Variants in COL11A1 observed in about 807,000 individuals in gnomAD.
The protein encoded by COL11A1 is collagen type XI alpha 1 chain, also known as collagen alpha-1(XI) chain.
Under a neutral mutation model 265.2 loss-of-function variants are expected in COL11A1, and 74 were observed. The observed-to-expected ratio is 0.28, with a 90% CI of 0.23 to 0.34. The LOEUF is 0.34. COL11A1 is among the 10% of genes least tolerant of loss of function. The pLI is 1.00. For synonymous variants in COL11A1, 816 were observed against 727.6 expected (o/e 1.12, Z -1.96); for missense variants, 2,165 against 2,263.6 (o/e 0.96, Z 0.88).
chr1:103,087,884 A>G (rs938875897), intron 1 of COL11A1, among the ~76,000 whole-genome samples: 3 of 152,206 alleles, frequency 2.0e-5, no homozygotes, highest in Non-Finnish European at 2.9e-5. Flanking sequence ...GAGATTATGA[A>G]AATGTTGGTT....
At chr1:103,057,901 G>T (rs1251342153) in intron 4 of COL11A1, among the ~76,000 whole-genome samples, 1 of 152,162 alleles carries the variant, frequency 6.6e-6, no homozygotes, top group East Asian at 1.9e-4. Flanking sequence ...TTTTAAAATG[G>T]TAAGTGAGCA....
At position 103,108,059 on chromosome 1, in the gene COL11A1, C is replaced by G. The variant is rs1674853417; in HGVS notation, c.106+14G>C. Reference sequence around the variant, plus strand: ...ACGGCAATCTCCCACCTCCCCAAATCCATTTTTTCTTACCTCCTCTGACCT... The same window carrying G: ...ACGGCAATCTCCCACCTCCCCAAATGCATTTTTTCTTACCTCCTCTGACCT... On this transcript the variant is annotated intron_variant, in intron 1 of 66. Coordinates refer to ENST00000370096, the MANE Select transcript of COL11A1 (RefSeq NM_001854.4). 1.2e-6 allele frequency: 2 copies of G among 1,607,582 alleles called. No individual in the cohort carries two copies. Among genetic ancestry groups the G allele is most frequent in the African/African-American group, 1.3e-5 (1 of 74,506 alleles).
intron 4 of COL11A1, among the ~76,000 whole-genome samples, chr1:103,052,615 G>A (rs1538041): frequency 0.22 from 33,069 of 151,998 alleles, 3,834 homozygotes; most frequent in African/African-American, 0.27. Context: ...GACACATAAT[G>A]TTTATTTTAT....
intron 4 of COL11A1, among the ~76,000 whole-genome samples, chr1:103,067,185 C>A (rs1671225557): frequency 6.6e-6 from 1 of 151,920 alleles, no homozygotes; most frequent in Non-Finnish European, 1.5e-5. Context: ...AACAATTTCA[C>A]AATGCACTTT....
chr1:103,022,552 C>A (rs150883638), intron 8 of COL11A1, among the ~76,000 whole-genome samples, 190 bp downstream of exon 8: 1 of 152,044 alleles, frequency 6.6e-6, no homozygotes, highest in Admixed American at 6.6e-5. Flanking sequence ...AAAAGTATGG[C>A]CAAAGATACA....
At chr1:103,068,345 C>G (rs772186144) in intron 4 of COL11A1, among the ~76,000 whole-genome samples, 3 of 150,850 alleles carry the variant, frequency 2.0e-5, no homozygotes, top group Non-Finnish European at 4.4e-5. Context: ...GGAAAAAAAA[C>G]CCGCATGATC....
At chr1:103,086,711 C>A (rs552751097) in intron 1 of COL11A1, among the ~76,000 whole-genome samples, 10 of 152,184 alleles carry the variant, frequency 6.6e-5, no homozygotes, top group African/African-American at 2.4e-4. Flanking sequence ...CCACCGCGCC[C>A]GGCAACAACG....
At chr1:103,048,848 C>T (rs908955476) in intron 4 of COL11A1, among the ~76,000 whole-genome samples, 12 of 152,072 alleles carry the variant, frequency 7.9e-5, no homozygotes, top group East Asian at 1.9e-4. Flanking sequence ...GCCTTCATTT[C>T]GTTATGTACC....
intron 4 of COL11A1, among the ~76,000 whole-genome samples, chr1:103,037,074 A>C (rs955062823): frequency 6.6e-6 from 1 of 151,508 alleles, no homozygotes; most frequent in Non-Finnish European, 1.5e-5. Context: ...TTTTAAAACC[A>C]AACAAATAAT....
Position 102,883,274 on chromosome 1 carries a change from T to C in COL11A1, c.4896A>G (p.Gly1632=), listed in dbSNP as rs747421087. 2 of 1,613,558 alleles carry C rather than the reference T, an allele frequency of 1.2e-6. No individual in the cohort carries two copies. The highest frequency in any genetic ancestry group is 2.2e-5 in the South Asian group (2 of 91,064). ...YWIDPNQGCS[G]DSFKVYCNFT... The stretch of plus-strand genomic sequence containing the variant: ...AATTACAGTAAACTTTGAAGGAATC[T>C]CCTGAGCAACCTTGGTTAGGATCAA... The change falls in exon 64 of 67, where the codon GGA becomes GGG. Residue 1632 remains glycine (G), a synonymous_variant. Coordinates refer to ENST00000370096, the MANE Select transcript of COL11A1 (RefSeq NM_001854.4).
At chr1:102,987,776 A>C in intron 29 of COL11A1, 36 bp from the exon 30 acceptor site, 1 of 1,484,386 alleles carries the variant, frequency 6.7e-7, no homozygotes, top group Non-Finnish European at 9.4e-7. Context: ...TATGAGTGAA[A>C]CGTCCTTTAC....
At chr1:102,998,970 T>C (rs1664877732) in intron 24 of COL11A1, among the ~76,000 whole-genome samples, 1 of 151,954 alleles carries the variant, frequency 6.6e-6, no homozygotes, top group African/African-American at 2.4e-5. Flanking sequence ...CAAATCACAT[T>C]GAACATGACC....
In COL11A1 at chr1:102,932,934, C is replaced by T. The variant is rs1186261219; in HGVS notation, c.3600+1515G>A. On this transcript the variant is annotated intron_variant, in intron 46 of 66. Coordinates refer to ENST00000370096, the MANE Select transcript of COL11A1 (RefSeq NM_001854.4). The stretch of plus-strand genomic sequence containing the variant: ...CACGTAGTTCTCGAGCCTTGGTTTT[C>T]AGCTCCATCAGCTCCTTTAAGCACT... Among the ~76,000 whole-genome samples the T allele has an allele frequency of 2.0e-5, 3 of 148,922 alleles. No individual in the cohort carries two copies. The East Asian group carries it at 6.0e-4, about 30-fold the overall frequency.
At chr1:102,955,599 T>G (rs1660298479) in intron 41 of COL11A1, among the ~76,000 whole-genome samples, 1 of 152,210 alleles carries the variant, frequency 6.6e-6, no homozygotes, top group Non-Finnish European at 1.5e-5. Context: ...GATAAATAAC[T>G]GTTGTTAATG....
intron 41 of COL11A1, among the ~76,000 whole-genome samples, chr1:102,948,777 A>G (rs901843296): frequency 6.6e-6 from 1 of 151,880 alleles, no homozygotes; most frequent in African/African-American, 2.4e-5. Context: ...AAAATATTTT[A>G]TGAATAAAAT....
chr1:103,030,564 A>G (rs1000323561), intron 5 of COL11A1, among the ~76,000 whole-genome samples: 5 of 152,028 alleles, frequency 3.3e-5, no homozygotes, highest in African/African-American at 1.2e-4. Flanking sequence ...TCCAAAAAAA[A>G]AAAATCCAAA....
chr1:102,988,647 A>G (rs1663819940), intron 29 of COL11A1, among the ~76,000 whole-genome samples: 1 of 152,174 alleles, frequency 6.6e-6, no homozygotes, highest in Admixed American at 6.6e-5. Flanking sequence ...CATATTTAAT[A>G]AACAACTGAA....
chr1:102,881,779 A>G lies in COL11A1; in HGVS notation c.4972-14T>C. Reference sequence around the variant, plus strand: ...TGAAATTCTTACCTGTTGCAAAGGAACAGAAAAGTTAGTGAGTAGGTGAAA... The same window carrying G: ...TGAAATTCTTACCTGTTGCAAAGGAGCAGAAAAGTTAGTGAGTAGGTGAAA... On this transcript the variant is annotated splice_polypyrimidine_tract_variant and intron_variant, in intron 64 of 66. Coordinates refer to ENST00000370096, the MANE Select transcript of COL11A1 (RefSeq NM_001854.4). The G allele has an allele frequency of 1.2e-6, 2 of 1,610,134 alleles. No homozygotes were observed. The highest frequency in any genetic ancestry group is 8.5e-7 in the Non-Finnish European group (1 of 1,177,156).
At chr1:103,087,179 A>G (rs550352462) in intron 1 of COL11A1, among the ~76,000 whole-genome samples, 1 of 152,350 alleles carries the variant, frequency 6.6e-6, no homozygotes, top group South Asian at 2.1e-4. Flanking sequence ...CTATGTTGCC[A>G]ACTGCTGGCA....
Sources: allele counts gnomAD v4.1 joint callset (sites outside exome capture counted in the v4.1 genomes callset), GRCh38; gene constraint gnomAD v4.1.1; transcripts MANE v1.5; gene names NCBI Gene and HGNC (gene_info 2026-07-23, HGNC 2026-07-21).